Variants in DNAJC6 observed in about 807,000 individuals in gnomAD.
DNAJC6 encodes auxilin.
A neutral mutation model predicts 110.0 loss-of-function variants in DNAJC6; 34 were observed. The ratio of observed to expected loss-of-function variants is 0.31; its 90% CI spans 0.24 to 0.41. The LOEUF is 0.41. Among genes scored for constraint, DNAJC6 ranks in the 10% least tolerant of loss-of-function variants. The probability of loss-of-function intolerance (pLI) is 1.00; values close to 1 mark genes in which losing one functional copy is unlikely to be tolerated. For synonymous variants in DNAJC6, 406 were observed against 437.2 expected, an observed-to-expected ratio of 0.93 and a Z score of 0.89; for missense variants, 1,031 against 1,207.8, an observed-to-expected ratio of 0.85 and a Z score of 2.17.
chr1:65,368,748 CCCCT>C (rs1276352411), intron 4 of DNAJC6, among the ~76,000 whole-genome samples: 54 of 410 alleles, frequency 0.13, 1 homozygote, highest in Non-Finnish European at 0.18. Context: ...CCCCTCCCCT[CCCCT>C]CCCTTCTCTT....
rs202192243 is a variant in DNAJC6, at chr1:65,409,406, T to A, written c.2634+623T>A. Among the ~76,000 whole-genome samples, 3 of 152,298 alleles carry A rather than the reference T, an allele frequency of 2.0e-5. No homozygotes were observed. In the East Asian group the frequency reaches 5.8e-4, roughly 29 times the overall value. On this transcript the variant is annotated intron_variant, in intron 17 of 18. Transcript: ENST00000371069. ...CTTTAATAAAATAAATGTTATTCCA[T>A]GATATGGCAATATAGATTTCTTTTG...
intron 4 of DNAJC6, among the ~76,000 whole-genome samples, chr1:65,377,579 T>C (rs2101584948): frequency 6.6e-6 from 1 of 152,326 alleles, no homozygotes; most frequent in East Asian, 1.9e-4. Context: ...TAAAGGTATA[T>C]GAAAGTGGGT....
At chr1:65,348,922 G>A (rs543109570) in intron 1 of DNAJC6, among the ~76,000 whole-genome samples, 166 of 145,972 alleles carry the variant, frequency 1.1e-3, no homozygotes, top group African/African-American at 3.9e-3. Context: ...TATGTGGTAC[G>A]TATATTTGTG....
intron 12 of DNAJC6, among the ~76,000 whole-genome samples, chr1:65,394,097 G>T (rs1384584830): frequency 7.3e-6 from 1 of 137,762 alleles, no homozygotes. Context: ...CAAGATCCAA[G>T]ATATCAGTAC....
intron 1 of DNAJC6, among the ~76,000 whole-genome samples, chr1:65,311,334 C>T (rs1022589280): frequency 6.9e-6 from 1 of 145,118 alleles, no homozygotes; most frequent in Non-Finnish European, 1.5e-5. Context: ...AAGCGATTCT[C>T]CTGCCTCAGC....
At chr1:65,357,924 A>G (rs980084172) in intron 1 of DNAJC6, among the ~76,000 whole-genome samples, 1 of 152,226 alleles carries the variant, frequency 6.6e-6, no homozygotes, top group African/African-American at 2.4e-5. Flanking sequence ...CATGCCTGTA[A>G]TCCCAGCACA....
At chr1:65,381,783 G>T (rs1192456076) in intron 5 of DNAJC6, among the ~76,000 whole-genome samples, 1 of 151,792 alleles carries the variant, frequency 6.6e-6, no homozygotes, top group Non-Finnish European at 1.5e-5. Flanking sequence ...GAAGCATGTG[G>T]TATAATCTTA....
intron 1 of DNAJC6, among the ~76,000 whole-genome samples, chr1:65,356,678 T>G (rs9436715): frequency 1.7e-3 from 255 of 152,132 alleles, no homozygotes; most frequent in African/African-American, 6.0e-3. Context: ...GTCATGCGTG[T>G]TATTATTTGA....
At chr1:65,275,050 G>A (rs1329137093) in intron 1 of DNAJC6, among the ~76,000 whole-genome samples, 1 of 152,030 alleles carries the variant, frequency 6.6e-6, no homozygotes, top group Non-Finnish European at 1.5e-5. Context: ...TCTGCCTTTT[G>A]TATTATTATT....
intron 7 of DNAJC6, 84 bp downstream of exon 7, chr1:65,385,990 T>G (rs1557554993): frequency 7.7e-7 from 1 of 1,290,594 alleles, no homozygotes; most frequent in Admixed American, 2.2e-5. Flanking sequence ...ATATTCTTCC[T>G]GCAAGACTAT....
At chr1:65,334,574 A>G (rs1224451214) in intron 1 of DNAJC6, among the ~76,000 whole-genome samples, 3 of 152,204 alleles carry the variant, frequency 2.0e-5, no homozygotes, top group Admixed American at 6.5e-5. Flanking sequence ...AAAAATTTCT[A>G]TGAACGGGAG....
chr1:65,370,927 G>A (rs1645699353), intron 4 of DNAJC6, among the ~76,000 whole-genome samples: 1 of 152,132 alleles, frequency 6.6e-6, no homozygotes, highest in African/African-American at 2.4e-5. Context: ...ATTGGCTGGA[G>A]TGGGAGAAGT....
chr1:65,378,109 G>A (rs1009889565), intron 4 of DNAJC6, among the ~76,000 whole-genome samples: 2 of 152,096 alleles, frequency 1.3e-5, no homozygotes, highest in African/African-American at 4.8e-5. Flanking sequence ...TCCCTCAAGT[G>A]TGTTTGTACC....
chr1:65,324,386 G>C (rs759892460), intron 1 of DNAJC6, among the ~76,000 whole-genome samples: 118 of 151,432 alleles, frequency 7.8e-4, no homozygotes, highest in Non-Finnish European at 1.2e-3. Context: ...TTAAGATGGA[G>C]TCTTGCCCTG....
chr1:65,388,107 A>G (rs902939637), intron 8 of DNAJC6, among the ~76,000 whole-genome samples: 5 of 152,224 alleles, frequency 3.3e-5, no homozygotes, highest in African/African-American at 4.8e-5. Flanking sequence ...GTGCAAGAAC[A>G]TAGTATTTAG....
chr1:65,398,499 G>C (rs1646000063), intron 13 of DNAJC6, among the ~76,000 whole-genome samples: 1 of 152,206 alleles, frequency 6.6e-6, no homozygotes, highest in Non-Finnish European at 1.5e-5. Flanking sequence ...ACTGACAATT[G>C]AATGGAGACA....
chr1:65,388,377 A>G lies in DNAJC6; in HGVS notation c.1155A>G (p.Gly385=). 2 of 1,614,094 alleles carry G rather than the reference A, an allele frequency of 1.2e-6. No homozygotes were observed. Among genetic ancestry groups the G allele is most frequent in the Non-Finnish European group, 1.7e-6 (2 of 1,180,008 alleles). Residue 385 remains glycine, a synonymous_variant, in exon 9 of 19, where the codon GGA becomes GGG. Transcript: ENST00000371069. ...TATTCCAGCTTCAGTTTCACACTGGATTCATACCACTGGACACAACAGTTT... is the reference window on the plus strand; with the variant it reads ...TATTCCAGCTTCAGTTTCACACTGGGTTCATACCACTGGACACAACAGTTT... ...TQIFQLQFHT[G]FIPLDTTVLK... is the part of the protein sequence containing the mutation.
chr1:65,376,516 G>T lies in DNAJC6; in HGVS notation c.544-2886G>T, dbSNP rs35011445. 2.4e-3 allele frequency among the ~76,000 whole-genome samples: 362 copies of T among 151,542 alleles called. 1 individual carries two copies. Among genetic ancestry groups the T allele is most frequent in the Middle Eastern group, 3.4e-3 (1 of 294 alleles). ...AAGTCTTTCTACTTTTTCGATATAG[G>T]TGTTTATTGCTATAAACTTTCCTCT... On this transcript the variant is annotated intron_variant, in intron 4 of 18. Coordinates refer to ENST00000371069, the MANE Select transcript of DNAJC6 (RefSeq NM_001256864.2).
upstream of DNAJC6, among the ~76,000 whole-genome samples, chr1:65,305,453 G>T (rs1211225176): frequency 2.0e-5 from 3 of 152,122 alleles, no homozygotes; most frequent in African/African-American, 7.2e-5. Context: ...TCCAAACTCT[G>T]ATGTTTTCCA....
Sources: allele counts gnomAD v4.1 joint callset (sites outside exome capture counted in the v4.1 genomes callset), GRCh38; gene constraint gnomAD v4.1.1; transcripts MANE v1.5; gene names NCBI Gene and HGNC (gene_info 2026-07-23, HGNC 2026-07-21).